The following KCTD8 variants were observed in gnomAD, a reference collection of about 807,000 sequenced individuals.
KCTD8 encodes BTB/POZ domain-containing protein KCTD8.
In KCTD8, 27 loss-of-function variants were observed where a neutral mutation model predicts 31.5. That is an observed-to-expected ratio of 0.86 (90% CI 0.63 to 1.18). KCTD8 has a LOEUF of 1.18. KCTD8 is among the 50% of genes most tolerant of loss of function. The probability of loss-of-function intolerance (pLI) is 0.00; values close to 1 mark genes in which losing one functional copy is unlikely to be tolerated. For missense variants in KCTD8, 658 were observed against 647.7 expected (o/e 1.02, Z -0.17); for synonymous variants, 290 against 280.0 (o/e 1.04, Z -0.36).
At chr4:44,241,004 C>T (rs1715443075) in intron 1 of KCTD8, among the ~76,000 whole-genome samples, 1 of 152,192 alleles carries the variant, frequency 6.6e-6, no homozygotes, top group South Asian at 2.1e-4. Flanking sequence ...GAGACCAAAA[C>T]CCACACTTCA....
intron 1 of KCTD8, among the ~76,000 whole-genome samples, chr4:44,360,008 A>G (rs1258639977): frequency 3.9e-5 from 6 of 152,076 alleles, no homozygotes; most frequent in African/African-American, 1.4e-4. Context: ...CATAGTAACA[A>G]TTAACCCCTT....
At chr4:44,209,696 G>A (rs1489782645) in intron 1 of KCTD8, among the ~76,000 whole-genome samples, 1 of 152,016 alleles carries the variant, frequency 6.6e-6, no homozygotes, top group African/African-American at 2.4e-5. Flanking sequence ...TTTCTATTTT[G>A]TCCATGATTA....
Position 44,447,669 on chromosome 4 carries a change from C to T in KCTD8, c.855G>A (p.Glu285=), listed in dbSNP as rs932339337. ...TACACGCCACCATGTGGAAGCCGGC[C>T]TCGGACAGGCGATCAAAGGCCTGCT... ...YLEQAFDRLS[E]AGFHMVACNS... The change falls in exon 1 of 2, where the codon GAG becomes GAA. Residue 285 remains glutamate (E), a synonymous_variant. Coordinates refer to ENST00000360029, the MANE Select transcript of KCTD8 (RefSeq NM_198353.3). The T allele has an allele frequency of 6.2e-7, 1 of 1,612,200 alleles. No individual in the cohort carries two copies. Among genetic ancestry groups the T allele is most frequent in the Non-Finnish European group, 8.5e-7 (1 of 1,179,342 alleles).
intron 1 of KCTD8, among the ~76,000 whole-genome samples, chr4:44,384,095 CAA>C (rs1218360283): frequency 6.6e-6 from 1 of 151,008 alleles, no homozygotes; most frequent in African/African-American, 2.4e-5. Flanking sequence ...AAATGCAAAT[CAA>C]AACTACAATG....
chr4:44,219,864 G>C (rs952954076), intron 1 of KCTD8, among the ~76,000 whole-genome samples: 2 of 152,132 alleles, frequency 1.3e-5, no homozygotes, highest in Non-Finnish European at 2.9e-5. Flanking sequence ...GTATCAGCGA[G>C]AATGAAGTTA....
intron 1 of KCTD8, among the ~76,000 whole-genome samples, chr4:44,368,903 T>G (rs1165230504): frequency 6.6e-6 from 1 of 152,228 alleles, no homozygotes; most frequent in Non-Finnish European, 1.5e-5. Context: ...GTGTCTGCAC[T>G]GAACTACTTC....
At chr4:44,272,338 T>A (rs562155289) in intron 1 of KCTD8, among the ~76,000 whole-genome samples, 44 of 151,676 alleles carry the variant, frequency 2.9e-4, no homozygotes, top group South Asian at 1.7e-3. Flanking sequence ...AGCAAAAAAA[T>A]TTTTTTAAAA....
At chr4:44,335,870 G>T (rs995615967) in intron 1 of KCTD8, among the ~76,000 whole-genome samples, 2 of 152,100 alleles carry the variant, frequency 1.3e-5, no homozygotes, top group East Asian at 3.9e-4. Flanking sequence ...AAATATAAAG[G>T]CCGGGCGCGG....
At chr4:44,378,060 G>A (rs536723185) in intron 1 of KCTD8, among the ~76,000 whole-genome samples, 43 of 150,964 alleles carry the variant, frequency 2.8e-4, no homozygotes, top group African/African-American at 1.0e-3. Flanking sequence ...TGTGTTTCTT[G>A]TAGAAAAACC....
intron 1 of KCTD8, among the ~76,000 whole-genome samples, chr4:44,226,107 C>G (rs71610096): frequency 0.097 from 14,763 of 152,068 alleles, 837 homozygotes; most frequent in East Asian, 0.12. Context: ...GGATTACAGG[C>G]GTGAGCCACT....
chr4:44,434,289 T>C (rs1225805991), intron 1 of KCTD8, among the ~76,000 whole-genome samples: 1 of 151,944 alleles, frequency 6.6e-6, no homozygotes, highest in Non-Finnish European at 1.5e-5. Context: ...AGTAAAATAG[T>C]TAACTTTAGT....
chr4:44,314,911 C>A (rs2109401965), intron 1 of KCTD8, among the ~76,000 whole-genome samples: 1 of 149,068 alleles, frequency 6.7e-6, no homozygotes, highest in African/African-American at 2.5e-5. Context: ...AAAACTTATA[C>A]TCCTCCTCCT....
At chr4:44,382,649 G>A (rs1039524405) in intron 1 of KCTD8, among the ~76,000 whole-genome samples, 1 of 151,532 alleles carries the variant, frequency 6.6e-6, no homozygotes, top group African/African-American at 2.4e-5. Context: ...AGAATCGTTT[G>A]AACTCGGGAG....
intron 1 of KCTD8, among the ~76,000 whole-genome samples, chr4:44,408,866 C>A (rs546202236): frequency 6.6e-6 from 1 of 152,134 alleles, no homozygotes; most frequent in South Asian, 2.1e-4. Flanking sequence ...ATCTGCCCAC[C>A]TCGGCCTCCC....
chr4:44,388,729 A>G (rs545666191), intron 1 of KCTD8, among the ~76,000 whole-genome samples: 1 of 151,846 alleles, frequency 6.6e-6, no homozygotes, highest in East Asian at 1.9e-4. Context: ...GAGGAAGAGG[A>G]TCAGGAAAAA....
chr4:44,286,913 GTGAC>G (rs1386255891), intron 1 of KCTD8, among the ~76,000 whole-genome samples: 1 of 152,070 alleles, frequency 6.6e-6, no homozygotes, highest in African/African-American at 2.4e-5. Context: ...TGTTGATTGA[GTGAC>G]TGAGGTAAAA....
chr4:44,294,886 C>T (rs1255975230), intron 1 of KCTD8, among the ~76,000 whole-genome samples: 1 of 152,066 alleles, frequency 6.6e-6, no homozygotes, highest in Non-Finnish European at 1.5e-5. Context: ...TAGTAAAATC[C>T]TGAGGCATAT....
intron 1 of KCTD8, among the ~76,000 whole-genome samples, chr4:44,272,614 C>T (rs746319538): frequency 5.3e-5 from 8 of 151,936 alleles, no homozygotes; most frequent in African/African-American, 1.4e-4. Flanking sequence ...CTCACACATC[C>T]GTGGAGTAGG....
intron 1 of KCTD8, among the ~76,000 whole-genome samples, chr4:44,419,655 A>C (rs1721163383): frequency 3.3e-5 from 5 of 152,002 alleles, no homozygotes; most frequent in Admixed American, 3.3e-4. Flanking sequence ...GAACAATGAG[A>C]ACGCTTGGAC....
Sources: allele counts gnomAD v4.1 joint callset (sites outside exome capture counted in the v4.1 genomes callset), GRCh38; gene constraint gnomAD v4.1.1; transcripts MANE v1.5; gene names NCBI Gene and HGNC (gene_info 2026-07-23, HGNC 2026-07-21).